The following SESN1 variants were observed in gnomAD, a reference collection of about 807,000 sequenced individuals.
The protein encoded by SESN1 is sestrin-1.
SESN1 carries 30 observed loss-of-function variants against 59.3 expected under a neutral mutation model. The ratio of observed to expected loss-of-function variants is 0.51; its 90% CI spans 0.38 to 0.69. The LOEUF (loss-of-function observed/expected upper bound fraction) is 0.69. Among genes scored for constraint, SESN1 ranks in the 30% least tolerant of loss-of-function variants. The probability of loss-of-function intolerance (pLI) is 0.00; values close to 1 mark genes in which losing one functional copy is unlikely to be tolerated. For synonymous variants in SESN1, 197 were observed against 219.9 expected (o/e 0.90, Z 0.92); for missense variants, 566 against 673.0 (o/e 0.84, Z 1.76).
chr6:108,994,166 GA>G (rs1170929015), intron 6 of SESN1, among the ~76,000 whole-genome samples: 1 of 137,732 alleles, frequency 7.3e-6, no homozygotes, highest in Non-Finnish European at 1.6e-5. Flanking sequence ...AAAAAAAAGA[GA>G]AAAAAGAGGG....
At chr6:109,007,509 AT>A (rs1340131219) in intron 1 of SESN1, among the ~76,000 whole-genome samples, 1 of 152,138 alleles carries the variant, frequency 6.6e-6, no homozygotes, top group Non-Finnish European at 1.5e-5. Flanking sequence ...CAGTAATTTT[AT>A]TTTTTAAATT....
At chr6:109,027,643 C>T (rs62427214) in intron 1 of SESN1, among the ~76,000 whole-genome samples, 2,482 of 152,182 alleles carry the variant, frequency 0.016, 34 homozygotes, top group Middle Eastern at 0.034. Context: ...TCAATTTTCA[C>T]AACTGGTGAG....
chr6:109,029,959 T>C (rs1198297940), intron 1 of SESN1, among the ~76,000 whole-genome samples: 3 of 152,214 alleles, frequency 2.0e-5, no homozygotes, highest in Non-Finnish European at 4.4e-5. Flanking sequence ...TTAGACATTA[T>C]TAACATGACA....
intron 1 of SESN1, among the ~76,000 whole-genome samples, chr6:109,038,054 T>C (rs921058625): frequency 6.6e-6 from 1 of 152,236 alleles, no homozygotes; most frequent in East Asian, 1.9e-4. Context: ...GAAAATCTCT[T>C]CTGGAAGGTT....
intron 1 of SESN1, among the ~76,000 whole-genome samples, chr6:109,040,236 T>C (rs1051153889): frequency 2.6e-5 from 4 of 152,172 alleles, no homozygotes; most frequent in Non-Finnish European, 4.4e-5. Flanking sequence ...AGAAATAATC[T>C]AGTTTGGCAA....
intron 5 of SESN1, among the ~76,000 whole-genome samples, chr6:108,994,876 G>C (rs1779471559): frequency 6.6e-6 from 1 of 151,662 alleles, no homozygotes; most frequent in Admixed American, 6.6e-5. Flanking sequence ...CTAATTTTTT[G>C]TGTTTTTTAG....
chr6:109,027,638 T>C (rs1320537796), intron 1 of SESN1, among the ~76,000 whole-genome samples: 1 of 152,118 alleles, frequency 6.6e-6, no homozygotes, highest in Non-Finnish European at 1.5e-5. Flanking sequence ...TATTTTCAAT[T>C]TTCACAACTG....
intron 1 of SESN1, among the ~76,000 whole-genome samples, chr6:109,077,278 A>C (rs1396320104): frequency 1.3e-5 from 2 of 152,180 alleles, no homozygotes; most frequent in Non-Finnish European, 2.9e-5. Flanking sequence ...TGTAAAAAGC[A>C]AAAACAAAAA....
intron 1 of SESN1, among the ~76,000 whole-genome samples, chr6:109,036,979 A>T (rs910210929): frequency 1.3e-5 from 2 of 152,236 alleles, no homozygotes; most frequent in Non-Finnish European, 2.9e-5. Context: ...TCAGCACCTC[A>T]GTTAGGAAAC....
At chr6:109,087,769 T>C (rs1208676761) in intron 1 of SESN1, among the ~76,000 whole-genome samples, 1 of 152,230 alleles carries the variant, frequency 6.6e-6, no homozygotes, top group Non-Finnish European at 1.5e-5. Context: ...CAATCTGTTA[T>C]ATTTTATAGC....
In SESN1 at chr6:108,998,663, G is replaced by C; in HGVS notation, c.822C>G (p.Phe274Leu). ...LLTHYHSLAS[F>L]TFGCGISPEI... ...CTGGACTGATTCCACAGCCGAATGT[G>C]AATGAGGCAAGAGAATGATAGTGTG... The change falls in exon 5 of 10, where the codon TTC (phenylalanine) becomes TTG (leucine). Residue 274 changes from phenylalanine to leucine, a missense_variant. Physicochemically the swap from Phe to Leu is conservative, Grantham distance 22. Coordinates refer to ENST00000436639, the MANE Select transcript of SESN1 (RefSeq NM_014454.3). 1 of 1,613,872 alleles carries C rather than the reference G, an allele frequency of 6.2e-7. No homozygotes were observed.
chr6:109,007,394 A>G (rs1001058543), intron 1 of SESN1, among the ~76,000 whole-genome samples: 7 of 152,234 alleles, frequency 4.6e-5, no homozygotes, highest in Middle Eastern at 3.2e-3. Flanking sequence ...GGCTTACAGT[A>G]TCTACCCACC....
chr6:109,071,788 C>A (rs17070142), intron 1 of SESN1, among the ~76,000 whole-genome samples: 1 of 152,134 alleles, frequency 6.6e-6, no homozygotes, highest in Non-Finnish European at 1.5e-5. Flanking sequence ...ATTTAGTCAA[C>A]AAAAATTTCC....
At chr6:109,057,362 A>T (rs1368825363) in intron 1 of SESN1, among the ~76,000 whole-genome samples, 1 of 152,208 alleles carries the variant, frequency 6.6e-6, no homozygotes, top group Non-Finnish European at 1.5e-5. Flanking sequence ...ATCACATTCT[A>T]AGGATGGCAG....
At chr6:109,079,100 TC>T (rs1781077417) in intron 1 of SESN1, among the ~76,000 whole-genome samples, 2 of 151,804 alleles carry the variant, frequency 1.3e-5, no homozygotes, top group African/African-American at 4.8e-5. Flanking sequence ...TAAACACACT[TC>T]TGATAAATTC....
intron 6 of SESN1, among the ~76,000 whole-genome samples, chr6:108,993,409 T>G (rs939046710): frequency 1.2e-4 from 19 of 152,204 alleles, no homozygotes; most frequent in African/African-American, 4.6e-4. Flanking sequence ...TAGGAGTTGA[T>G]GAGATTATAG....
chr6:109,023,937 G>C (rs1052751820), intron 1 of SESN1, among the ~76,000 whole-genome samples: 2 of 152,066 alleles, frequency 1.3e-5, no homozygotes, highest in African/African-American at 4.8e-5. Flanking sequence ...CTCAAAGAAT[G>C]AGTGATTTTT....
At chr6:109,039,571 C>T (rs1294908999) in intron 1 of SESN1, among the ~76,000 whole-genome samples, 1 of 152,216 alleles carries the variant, frequency 6.6e-6, no homozygotes, top group Non-Finnish European at 1.5e-5. Flanking sequence ...CTATCTTTAT[C>T]TTGATAAGCA....
intron 1 of SESN1, among the ~76,000 whole-genome samples, chr6:109,077,343 C>G (rs549535887): frequency 1.3e-5 from 2 of 152,276 alleles, no homozygotes; most frequent in South Asian, 2.1e-4. Context: ...ACTTAGAAAT[C>G]AGACATGCCT....
Sources: allele counts gnomAD v4.1 joint callset (sites outside exome capture counted in the v4.1 genomes callset), GRCh38; gene constraint gnomAD v4.1.1; transcripts MANE v1.5; gene names NCBI Gene and HGNC (gene_info 2026-07-23, HGNC 2026-07-21).